Variants in LARP1B observed in about 807,000 individuals in gnomAD.
LARP1B encodes the protein la-related protein 1B.
In LARP1B, 76 loss-of-function variants were observed where a neutral mutation model predicts 114.2. The observed-to-expected ratio is 0.67, with a 90% confidence interval of 0.55 to 0.81. LARP1B has a LOEUF of 0.81. Ranked by LOEUF, LARP1B falls within the 30% of genes least tolerant of loss-of-function variation. LARP1B has a pLI of 0.00. For missense variants in LARP1B, 1,014 were observed against 1,075.8 expected, an observed-to-expected ratio of 0.94 and a Z score of 0.80; for synonymous variants, 345 against 348.0, an observed-to-expected ratio of 0.99 and a Z score of 0.10.
At chr4:128,094,118 G>GGTTT (rs1776952035) in intron 7 of LARP1B, among the ~76,000 whole-genome samples, 1 of 151,482 alleles carries the variant, frequency 6.6e-6, no homozygotes, top group Non-Finnish European at 1.5e-5. Context: ...TTAGAGACAA[G>GGTTT]GTTTCACCAC....
At chr4:128,103,561 CTTTTTTTTTTT>C (rs1049704607) in intron 8 of LARP1B, among the ~76,000 whole-genome samples, 1 of 131,874 alleles carries the variant, frequency 7.6e-6, no homozygotes, top group Non-Finnish European at 1.6e-5. Flanking sequence ...GCCCCTTCCT[CTTTTTTTTTTT>C]TTTTTTTTGA....
chr4:128,097,315 G>GT (rs920048876), intron 7 of LARP1B, among the ~76,000 whole-genome samples: 26 of 150,112 alleles, frequency 1.7e-4, no homozygotes, highest in East Asian at 5.9e-4. Context: ...GTTTTGTTTT[G>GT]TTTTTTTTTG....
intron 1 of LARP1B, chr4:128,069,306 C>T: frequency 3.5e-6 from 3 of 846,298 alleles, no homozygotes; most frequent in Non-Finnish European, 4.0e-6. Context: ...CCCACAGTGG[C>T]ATCCAGCTTG....
chr4:128,074,146 G>T (rs1260379807), intron 1 of LARP1B, among the ~76,000 whole-genome samples: 1 of 151,684 alleles, frequency 6.6e-6, no homozygotes, highest in Non-Finnish European at 1.5e-5. Flanking sequence ...CTCCATGTTG[G>T]TCAGGCCGGT....
At chr4:128,176,304 T>A (rs1038362356) in intron 12 of LARP1B, among the ~76,000 whole-genome samples, 3 of 143,236 alleles carry the variant, frequency 2.1e-5, no homozygotes, top group South Asian at 2.2e-4. Flanking sequence ...TATATATATT[T>A]TTTTTTTAGA....
chr4:128,205,685 C>T (rs1757382602), intron 17 of LARP1B, among the ~76,000 whole-genome samples: 1 of 89,592 alleles, frequency 1.1e-5, no homozygotes, highest in African/African-American at 2.9e-5. Flanking sequence ...TAGGGCACAG[C>T]CGTACAGTCT....
chr4:128,143,089 A>T (rs1272335632), intron 11 of LARP1B, among the ~76,000 whole-genome samples: 1 of 152,010 alleles, frequency 6.6e-6, no homozygotes, highest in Non-Finnish European at 1.5e-5. Context: ...GATTGAGACC[A>T]TCCTGGCCAA....
chr4:128,157,736 C>T (rs537974998), intron 11 of LARP1B, among the ~76,000 whole-genome samples: 24 of 152,012 alleles, frequency 1.6e-4, no homozygotes, highest in Admixed American at 1.1e-3. Flanking sequence ...GTGAATTGTA[C>T]GCTTAAATAG....
At chr4:128,191,006 C>T (rs964891181) in intron 15 of LARP1B, among the ~76,000 whole-genome samples, 3 of 151,970 alleles carry the variant, frequency 2.0e-5, no homozygotes, top group Non-Finnish European at 4.4e-5. Flanking sequence ...TCTTTTTCTC[C>T]TCTGACTGTA....
intron 15 of LARP1B, among the ~76,000 whole-genome samples, chr4:128,196,880 T>A (rs1283218758): frequency 6.6e-6 from 1 of 152,132 alleles, no homozygotes; most frequent in East Asian, 1.9e-4. Flanking sequence ...GGAATGAAAT[T>A]TTGATTTATG....
chr4:128,166,168 C>T (rs1243747235), intron 12 of LARP1B, among the ~76,000 whole-genome samples: 2 of 152,028 alleles, frequency 1.3e-5, no homozygotes, highest in Admixed American at 6.6e-5. Context: ...GACTCTTCCT[C>T]CTAGACTTCC....
chr4:128,159,155 A>G (rs1737222125), intron 11 of LARP1B, among the ~76,000 whole-genome samples: 1 of 151,784 alleles, frequency 6.6e-6, no homozygotes, highest in Admixed American at 6.6e-5. Flanking sequence ...TCTGGGCAAC[A>G]GAGCAAGACC....
intron 12 of LARP1B, among the ~76,000 whole-genome samples, chr4:128,170,263 T>C (rs1742992236): frequency 6.6e-6 from 1 of 152,230 alleles, no homozygotes; most frequent in Admixed American, 6.5e-5. Context: ...CACAATATAG[T>C]CTGTCTTGGT....
At chr4:128,124,764 A>G (rs1454351328) in intron 11 of LARP1B, among the ~76,000 whole-genome samples, 1 of 152,206 alleles carries the variant, frequency 6.6e-6, no homozygotes, top group Non-Finnish European at 1.5e-5. Flanking sequence ...TATAGAAGTG[A>G]GAAGACCTGT....
chr4:128,153,782 C>CAA (rs1432001360), intron 11 of LARP1B, among the ~76,000 whole-genome samples: 8 of 152,118 alleles, frequency 5.3e-5, no homozygotes, highest in African/African-American at 1.9e-4. Context: ...TTACCGGTAG[C>CAA]CTACTAAATT....
chr4:128,204,258 G>A (rs887327223), intron 17 of LARP1B, among the ~76,000 whole-genome samples: 2 of 151,498 alleles, frequency 1.3e-5, no homozygotes, highest in Non-Finnish European at 2.9e-5. Context: ...TTCTGGTTTT[G>A]GGTACAAAAA....
At chr4:128,201,355 C>G (rs1755878574) in intron 17 of LARP1B, among the ~76,000 whole-genome samples, 1 of 152,152 alleles carries the variant, frequency 6.6e-6, no homozygotes, top group African/African-American at 2.4e-5. Context: ...CAAAACTTTT[C>G]TCTCCCATGC....
chr4:128,186,911 T>A (rs1750568074), intron 15 of LARP1B, among the ~76,000 whole-genome samples: 1 of 152,150 alleles, frequency 6.6e-6, no homozygotes, highest in Non-Finnish European at 1.5e-5. Context: ...TTGGGGCTGC[T>A]GCTTCAGAGG....
intron 17 of LARP1B, among the ~76,000 whole-genome samples, chr4:128,202,261 C>T (rs934055455): frequency 6.6e-6 from 1 of 152,140 alleles, no homozygotes; most frequent in East Asian, 1.9e-4. Context: ...ATTTGCCATT[C>T]CTAATCTCAT....
Sources: allele counts gnomAD v4.1 joint callset (sites outside exome capture counted in the v4.1 genomes callset), GRCh38; gene constraint gnomAD v4.1.1; transcripts MANE v1.5; gene names NCBI Gene and HGNC (gene_info 2026-07-23, HGNC 2026-07-21).